EXT1: variants seen among roughly 807,000 people sequenced by gnomAD.
The protein encoded by EXT1 is exostosin glycosyltransferase 1.
A neutral mutation model predicts 82.5 loss-of-function variants in EXT1; 20 were observed. The observed-to-expected ratio is 0.24, with a 90% CI of 0.17 to 0.35. The LOEUF is 0.35. Ranked by LOEUF, EXT1 falls within the 10% of genes least tolerant of loss-of-function variation. The probability of loss-of-function intolerance (pLI) is 1.00; values close to 1 mark genes in which losing one functional copy is unlikely to be tolerated. For missense variants in EXT1, 757 were observed against 936.5 expected, an observed-to-expected ratio of 0.81 and a Z score of 2.50; for synonymous variants, 348 against 350.8, an observed-to-expected ratio of 0.99 and a Z score of 0.09.
chr8:117,877,063 G>A (rs776835241), intron 1 of EXT1, among the ~76,000 whole-genome samples: 2 of 152,204 alleles, frequency 1.3e-5, no homozygotes, highest in Non-Finnish European at 2.9e-5. Flanking sequence ...TCACAGAGGC[G>A]TGATTAAACC....
At chr8:118,026,522 C>T (rs1816205740) in intron 1 of EXT1, among the ~76,000 whole-genome samples, 1 of 152,082 alleles carries the variant, frequency 6.6e-6, no homozygotes, top group East Asian at 1.9e-4. Context: ...TGAGATTTCG[C>T]CCTGAGATAG....
At chr8:118,073,492 GTGCC>G (rs1817135295) in intron 1 of EXT1, among the ~76,000 whole-genome samples, 1 of 151,980 alleles carries the variant, frequency 6.6e-6, no homozygotes, top group East Asian at 1.9e-4. Context: ...ATGATGGCAC[GTGCC>G]TGTAATCCCA....
intron 1 of EXT1, among the ~76,000 whole-genome samples, chr8:118,051,782 T>C (rs1358209274): frequency 6.6e-6 from 1 of 152,190 alleles, no homozygotes; most frequent in Non-Finnish European, 1.5e-5. Context: ...GTAAGATCAA[T>C]CAAGCACTAA....
At chr8:117,969,097 G>A (rs1586315837) in intron 1 of EXT1, among the ~76,000 whole-genome samples, 3 of 152,048 alleles carry the variant, frequency 2.0e-5, no homozygotes, top group African/African-American at 4.8e-5. Flanking sequence ...AAAACAAAGC[G>A]GCCACATTTA....
intron 1 of EXT1, among the ~76,000 whole-genome samples, chr8:118,073,744 G>A (rs955985397): frequency 6.6e-6 from 1 of 152,098 alleles, no homozygotes; most frequent in Non-Finnish European, 1.5e-5. Context: ...AATTCCTTAT[G>A]CAGAGAGGGA....
At chr8:117,996,814 C>T (rs1347215815) in intron 1 of EXT1, among the ~76,000 whole-genome samples, 1 of 152,178 alleles carries the variant, frequency 6.6e-6, no homozygotes, top group African/African-American at 2.4e-5. Context: ...CTCATTGTAA[C>T]ACAATTGAAC....
intron 1 of EXT1, among the ~76,000 whole-genome samples, chr8:117,945,428 T>C (rs1394903279): frequency 3.9e-5 from 6 of 152,180 alleles, no homozygotes; most frequent in Non-Finnish European, 8.8e-5. Flanking sequence ...CTTGATGCCA[T>C]TTGGGCAAAG....
intron 1 of EXT1, among the ~76,000 whole-genome samples, chr8:117,944,926 G>A (rs1814357057): frequency 6.6e-6 from 1 of 152,142 alleles, no homozygotes; most frequent in Non-Finnish European, 1.5e-5. Context: ...ACTTTGGGAG[G>A]CGGAGGCGGG....
rs773394301 is a variant in EXT1, at chr8:118,110,679, T to C, written c.368A>G (p.Lys123Arg). The C allele has an allele frequency of 1.1e-5, 17 of 1,614,058 alleles. No homozygotes were observed. Among genetic ancestry groups the C allele is most frequent in the Middle Eastern group, 3.3e-4 (2 of 6,084 alleles). Reference sequence around the variant, plus strand: ...GTAACTTTCGGCGATTTTCTCCCCTTTTTGCTGTGGGTATACGTAGACTTT... The same window carrying C: ...GTAACTTTCGGCGATTTTCTCCCCTCTTTGCTGTGGGTATACGTAGACTTT... Reference protein sequence around the residue: ...GFKVYVYPQQKGEKIAESYQN... With the variant: ...GFKVYVYPQQRGEKIAESYQN... The change falls in exon 1 of 11, where the codon AAA becomes AGA. Residue 123 changes from lysine (K) to arginine (R), a missense_variant. This residue lies in a region of EXT1 where 175 missense variants were observed against 159.0 expected (regional missense o/e 1.10). Transcript: ENST00000378204.
intron 1 of EXT1, among the ~76,000 whole-genome samples, chr8:117,886,864 T>A (rs1319351708): frequency 1.3e-5 from 2 of 152,116 alleles, no homozygotes; most frequent in African/African-American, 2.4e-5. Context: ...CCAAATAATA[T>A]AGGACAGAGG....
chr8:118,039,140 C>T (rs1466401618), intron 1 of EXT1, among the ~76,000 whole-genome samples: 3 of 152,224 alleles, frequency 2.0e-5, no homozygotes, highest in South Asian at 2.1e-4. Flanking sequence ...GAATGAAGAC[C>T]TCAACAGGTT....
At chr8:118,053,696 G>C (rs1049671775) in intron 1 of EXT1, among the ~76,000 whole-genome samples, 1 of 152,190 alleles carries the variant, frequency 6.6e-6, no homozygotes, top group Non-Finnish European at 1.5e-5. Flanking sequence ...TAAGGTAGGT[G>C]CAATTATTGC....
rs11546829 is a variant in EXT1, at chr8:117,835,543, G to A, written c.1065C>T (p.Cys355=). ...ATCCATTGCTGAGCATCACAGGGACGCAGGCAGCCTGAGCAAAAAAGGGGA... is the reference window on the plus strand; with the variant it reads ...ATCCATTGCTGAGCATCACAGGGACACAGGCAGCCTGAGCAAAAAAGGGGA... ...FRFLEALQAA[C]VPVMLSNGWE... Residue 355 remains cysteine (C), a synonymous_variant, in exon 3 of 11, where the codon TGC becomes TGT. Coordinates refer to ENST00000378204, the MANE Select transcript of EXT1 (RefSeq NM_000127.3). 0.28 allele frequency: 445,944 copies of A among 1,610,886 alleles called. 64,666 individuals are homozygous for A. Among genetic ancestry groups the A allele is most frequent in the Middle Eastern group, 0.33 (1,995 of 6,056 alleles).
chr8:118,000,424 C>T (rs1054770651), intron 1 of EXT1, among the ~76,000 whole-genome samples: 23 of 152,326 alleles, frequency 1.5e-4, no homozygotes, highest in African/African-American at 5.3e-4. Flanking sequence ...GAAATCCTGA[C>T]AAACACAAGG....
chr8:117,874,830 T>G (rs891007433), intron 1 of EXT1, among the ~76,000 whole-genome samples: 7 of 152,212 alleles, frequency 4.6e-5, no homozygotes, highest in Non-Finnish European at 1.0e-4. Flanking sequence ...TACAGGTGAC[T>G]GCATCTTAAA....
chr8:118,063,532 T>C, intron 1 of EXT1, among the ~76,000 whole-genome samples: 1 of 152,238 alleles, frequency 6.6e-6, no homozygotes, highest in African/African-American at 2.4e-5. Flanking sequence ...CTTCACAACA[T>C]TCACTAACAT....
intron 1 of EXT1, among the ~76,000 whole-genome samples, chr8:118,063,333 T>C (rs560437064): frequency 6.6e-6 from 1 of 152,248 alleles, no homozygotes; most frequent in Non-Finnish European, 1.5e-5. Context: ...GCCATTCATC[T>C]AGGAGTTTCT....
At chr8:117,947,791 AC>A (rs1814417467) in intron 1 of EXT1, among the ~76,000 whole-genome samples, 1 of 152,206 alleles carries the variant, frequency 6.6e-6, no homozygotes, top group Non-Finnish European at 1.5e-5. Flanking sequence ...CAAGGACACA[AC>A]CCTATTGGAA....
chr8:117,861,502 T>C (rs1182292324), intron 1 of EXT1, among the ~76,000 whole-genome samples: 3,201 of 115,682 alleles, frequency 0.028, 510 homozygotes, highest in Non-Finnish European at 0.043. Flanking sequence ...TTTTTTTTTT[T>C]TTTTTTTTTT....
Sources: gnomAD v4.1 joint callset for allele counts (sites outside exome capture counted in the v4.1 genomes callset) on GRCh38, gnomAD v4.1.1 for gene constraint, gnomAD v4.1.1 regional missense constraint, MANE v1.5 for transcripts, NCBI Gene and HGNC (gene_info 2026-07-23, HGNC 2026-07-21) for gene names.